TMC7: variants seen among roughly 807,000 people sequenced by gnomAD.
TMC7 encodes transmembrane channel like 7.
Under a neutral mutation model 82.9 loss-of-function variants are expected in TMC7, and 54 were observed. The observed-to-expected ratio is 0.65, with a 90% confidence interval of 0.52 to 0.82. The LOEUF (loss-of-function observed/expected upper bound fraction) is 0.82, where lower values mean the gene tolerates loss of function less well. Ranked by LOEUF, TMC7 falls within the 40% of genes least tolerant of loss-of-function variation. The pLI, the probability that TMC7 is intolerant of heterozygous loss-of-function variation, is 0.00. For missense variants in TMC7, 820 were observed against 901.2 expected (o/e 0.91, Z 1.15); for synonymous variants, 350 against 337.9 (o/e 1.04, Z -0.39).
At chr16:19,017,785 C>T (rs916719235) in intron 3 of TMC7, among the ~76,000 whole-genome samples, 3 of 151,866 alleles carry the variant, frequency 2.0e-5, no homozygotes, top group Admixed American at 1.3e-4. Flanking sequence ...AGTCTCCTGC[C>T]TCAGCCTCCC....
intron 1 of TMC7, among the ~76,000 whole-genome samples, chr16:18,986,026 C>T (rs999533921): frequency 6.6e-6 from 1 of 151,000 alleles, no homozygotes; most frequent in East Asian, 2.0e-4. Context: ...GAACTAGACC[C>T]TGTCTCTAAA....
intron 3 of TMC7, among the ~76,000 whole-genome samples, chr16:19,020,938 A>G (rs1469392390): frequency 1.3e-5 from 2 of 152,062 alleles, no homozygotes; most frequent in African/African-American, 4.8e-5. Context: ...TGCAATAATT[A>G]TGCACAGAAA....
chr16:18,987,094 CGT>C, intron 1 of TMC7, among the ~76,000 whole-genome samples: 1 of 151,984 alleles, frequency 6.6e-6, no homozygotes, highest in Non-Finnish European at 1.5e-5. Context: ...TGTGAGCCAC[CGT>C]ACCCGGCCAT....
chr16:18,998,346 G>T (rs1465294284), intron 1 of TMC7, among the ~76,000 whole-genome samples: 1 of 152,192 alleles, frequency 6.6e-6, no homozygotes, highest in Admixed American at 6.6e-5. Flanking sequence ...CCAAATCCAG[G>T]CAGGGTGGGT....
chr16:18,989,338 T>G (rs1244910379), intron 1 of TMC7, among the ~76,000 whole-genome samples: 1 of 152,170 alleles, frequency 6.6e-6, no homozygotes, highest in East Asian at 1.9e-4. Context: ...TCCCCATGTC[T>G]GGACAAGACT....
intron 2 of TMC7, among the ~76,000 whole-genome samples, chr16:19,016,100 C>CT (rs1473073010): frequency 1.3e-5 from 2 of 151,524 alleles, no homozygotes; most frequent in Non-Finnish European, 2.9e-5. Flanking sequence ...CTTTTCTTTT[C>CT]TTTCTTTTTT....
Position 18,988,249 on chromosome 16 carries a change from G to C in TMC7, c.67+4119G>C, listed in dbSNP as rs564792407. Among the ~76,000 whole-genome samples, 24 of 151,404 alleles carry C rather than the reference G, an allele frequency of 1.6e-4. No homozygotes were observed. In the South Asian group the frequency reaches 3.8e-3, roughly 24 times the overall value. On this transcript the variant is annotated intron_variant, in intron 1 of 15. Transcript: ENST00000304381. ...AGCTCACTGCAACCTCTGCCTCCTG[G>C]GTTCAATCCATTCTCCTGCCTCAGC...
chr16:19,052,668 C>CA (rs1234988381), intron 13 of TMC7, among the ~76,000 whole-genome samples: 3 of 151,958 alleles, frequency 2.0e-5, no homozygotes, highest in Admixed American at 6.6e-5. Flanking sequence ...AAAAAACAAA[C>CA]AAAAAAATAG....
chr16:19,021,510 C>A, intron 3 of TMC7, 119 bp from the exon 4 acceptor site: 2 of 1,089,334 alleles, frequency 1.8e-6, no homozygotes, highest in Non-Finnish European at 2.6e-6. Flanking sequence ...AAAAATAAAA[C>A]GTTTCTTCCT....
chr16:18,997,530 CA>C (rs2039064537), intron 1 of TMC7, among the ~76,000 whole-genome samples: 1 of 151,828 alleles, frequency 6.6e-6, no homozygotes, highest in Admixed American at 6.6e-5. Context: ...CCACCACACC[CA>C]GCTAATTTTT....
intron 1 of TMC7, among the ~76,000 whole-genome samples, chr16:18,996,204 C>T (rs2039041560): frequency 1.3e-5 from 2 of 151,838 alleles, no homozygotes; most frequent in Non-Finnish European, 1.5e-5. Flanking sequence ...CGAGGAGCAG[C>T]CTGGGGAGAA....
At chr16:19,014,312 G>A (rs1024523696) in intron 2 of TMC7, among the ~76,000 whole-genome samples, 1 of 152,134 alleles carries the variant, frequency 6.6e-6, no homozygotes, top group African/African-American at 2.4e-5. Flanking sequence ...GACAATCAAA[G>A]ATGTCCCCAG....
intron 6 of TMC7, among the ~76,000 whole-genome samples, chr16:19,030,995 AC>A (rs149470908): frequency 2.2e-3 from 333 of 152,272 alleles, no homozygotes; most frequent in African/African-American, 7.6e-3. Flanking sequence ...AGTAGCAGAA[AC>A]CTAGCTCTGA....
chr16:19,001,137 C>T (rs1174002199), intron 1 of TMC7, among the ~76,000 whole-genome samples: 1 of 151,882 alleles, frequency 6.6e-6, no homozygotes, highest in African/African-American at 2.4e-5. Flanking sequence ...TTTTTGACAC[C>T]CTTTCTTTCC....
At chr16:19,021,278 T>C (rs990383806) in intron 3 of TMC7, among the ~76,000 whole-genome samples, 3 of 152,140 alleles carry the variant, frequency 2.0e-5, no homozygotes, top group African/African-American at 7.2e-5. Flanking sequence ...TGGAACAGGA[T>C]AGAGTTTAGA....
At chr16:18,997,612 C>T (rs926780232) in intron 1 of TMC7, among the ~76,000 whole-genome samples, 1 of 151,982 alleles carries the variant, frequency 6.6e-6, no homozygotes, top group Non-Finnish European at 1.5e-5. Context: ...TCAGGTGATC[C>T]AGCCACCTCT....
chr16:19,000,831 C>T (rs1056118846), intron 1 of TMC7, among the ~76,000 whole-genome samples: 2 of 152,046 alleles, frequency 1.3e-5, no homozygotes, highest in African/African-American at 4.8e-5. Flanking sequence ...CCAGTCTGGG[C>T]AATATGGTAA....
chr16:18,999,599 A>G (rs567290305), intron 1 of TMC7, among the ~76,000 whole-genome samples: 164 of 152,298 alleles, frequency 1.1e-3, no homozygotes, highest in African/African-American at 3.9e-3. Context: ...TTGCTCAGTA[A>G]ATGTTTCTGA....
chr16:19,056,252 A>G (rs996071355), intron 13 of TMC7, among the ~76,000 whole-genome samples: 2 of 151,700 alleles, frequency 1.3e-5, no homozygotes, highest in African/African-American at 2.4e-5. Context: ...TGCCCGGCTA[A>G]TTTTTGTATT....
Sources: gnomAD v4.1 joint callset for allele counts (sites outside exome capture counted in the v4.1 genomes callset) on GRCh38, gnomAD v4.1.1 for gene constraint, MANE v1.5 for transcripts, NCBI Gene and HGNC (gene_info 2026-07-23, HGNC 2026-07-21) for gene names.